Variants in STXBP5L observed in about 807,000 individuals in gnomAD.
The protein encoded by STXBP5L is syntaxin binding protein 5L.
Under a neutral mutation model 144.5 loss-of-function variants are expected in STXBP5L, and 65 were observed. That is an observed-to-expected ratio of 0.45 (90% CI 0.37 to 0.55). The LOEUF is 0.55. Among genes scored for constraint, STXBP5L ranks in the 20% least tolerant of loss-of-function variants. The probability of loss-of-function intolerance (pLI) is 0.00; values close to 1 mark genes in which losing one functional copy is unlikely to be tolerated. For missense variants in STXBP5L, 1,298 were observed against 1,405.5 expected, an observed-to-expected ratio of 0.92 and a Z score of 1.22; for synonymous variants, 505 against 469.6, an observed-to-expected ratio of 1.08 and a Z score of -0.97.
chr3:121,360,927 T>A (rs2045694552), intron 20 of STXBP5L, among the ~76,000 whole-genome samples: 1 of 152,174 alleles, frequency 6.6e-6, no homozygotes, highest in South Asian at 2.1e-4. Flanking sequence ...ATTAATGTCC[T>A]TTTCTTTCTG....
chr3:121,074,091 C>A (rs527950829), intron 5 of STXBP5L, among the ~76,000 whole-genome samples: 36 of 152,276 alleles, frequency 2.4e-4, no homozygotes, highest in African/African-American at 8.4e-4. Flanking sequence ...GGCACAAAAG[C>A]CTTCAGGTCT....
At chr3:121,044,794 A>AT (rs1947396978) in intron 4 of STXBP5L, among the ~76,000 whole-genome samples, 2 of 152,284 alleles carry the variant, frequency 1.3e-5, no homozygotes, top group South Asian at 4.1e-4. Context: ...TGTATGCGAA[A>AT]TAGGATTCAT....
intron 9 of STXBP5L, among the ~76,000 whole-genome samples, chr3:121,161,799 C>T (rs1455605481): frequency 2.0e-5 from 3 of 152,006 alleles, no homozygotes; most frequent in Non-Finnish European, 2.9e-5. Context: ...TGACATTAAA[C>T]CAAATCCTAT....
chr3:121,417,136 A>G (rs1269079313), intron 25 of STXBP5L, among the ~76,000 whole-genome samples: 2 of 152,202 alleles, frequency 1.3e-5, no homozygotes, highest in Non-Finnish European at 2.9e-5. Context: ...AAAGACTGAA[A>G]GTAGATTAAT....
intron 23 of STXBP5L, among the ~76,000 whole-genome samples, chr3:121,409,537 A>G (rs573696929): frequency 1.3e-5 from 2 of 152,018 alleles, no homozygotes; most frequent in African/African-American, 4.8e-5. Context: ...ATCAGGGTTT[A>G]GCAAATTAAT....
chr3:121,049,229 C>G (rs1042276798), intron 5 of STXBP5L, among the ~76,000 whole-genome samples: 2 of 152,054 alleles, frequency 1.3e-5, no homozygotes, highest in South Asian at 2.1e-4. Flanking sequence ...TCACTGTGTA[C>G]CCTCCTGATC....
Position 120,990,834 on chromosome 3 carries a change from A to C in STXBP5L, c.287+35797A>C, listed in dbSNP as rs972921987. 5.3e-4 allele frequency among the ~76,000 whole-genome samples: 81 copies of C among 152,196 alleles called. 3 individuals carry two copies. ...CACGTTATACAAAAATTAATTCAAGATGGATTAAAGACTTAAATGTTAGAC... is the reference window on the plus strand; with the variant it reads ...CACGTTATACAAAAATTAATTCAAGCTGGATTAAAGACTTAAATGTTAGAC... On this transcript the variant is annotated intron_variant, in intron 3 of 26. Transcript: ENST00000471454.
At chr3:121,096,092 G>A (rs553344068) in intron 5 of STXBP5L, among the ~76,000 whole-genome samples, 32 of 150,606 alleles carry the variant, frequency 2.1e-4, no homozygotes, top group Admixed American at 3.4e-4. Context: ...TGCTTGGTGG[G>A]CTGTACCCAC....
At chr3:121,344,760 A>T (rs2044883422) in intron 20 of STXBP5L, among the ~76,000 whole-genome samples, 1 of 151,928 alleles carries the variant, frequency 6.6e-6, no homozygotes, top group Admixed American at 6.6e-5. Flanking sequence ...GAGAAGTAGA[A>T]GGAAGAGGAA....
At chr3:121,048,613 T>G (rs1947693578) in intron 5 of STXBP5L, among the ~76,000 whole-genome samples, 1 of 152,170 alleles carries the variant, frequency 6.6e-6, no homozygotes, top group Non-Finnish European at 1.5e-5. Flanking sequence ...ACTTGGTCTA[T>G]TCTTCTGTTA....
chr3:121,370,115 C>T (rs2045986471), intron 20 of STXBP5L, among the ~76,000 whole-genome samples: 1 of 152,100 alleles, frequency 6.6e-6, no homozygotes, highest in South Asian at 2.1e-4. Flanking sequence ...TTTGTAAATC[C>T]AGCACTTTGG....
At chr3:121,160,021 T>C (rs2046263336) in intron 9 of STXBP5L, among the ~76,000 whole-genome samples, 2 of 152,236 alleles carry the variant, frequency 1.3e-5, no homozygotes, top group African/African-American at 4.8e-5. Context: ...TTTGTTCTGA[T>C]ATTTCAATTC....
chr3:121,078,231 T>G (rs371662844), intron 5 of STXBP5L, among the ~76,000 whole-genome samples: 35 of 151,888 alleles, frequency 2.3e-4, no homozygotes, highest in African/African-American at 8.5e-4. Context: ...AGAGTGCTGA[T>G]TGGTGTATTT....
At chr3:121,192,549 T>C (rs2047740213) in intron 9 of STXBP5L, among the ~76,000 whole-genome samples, 1 of 152,206 alleles carries the variant, frequency 6.6e-6, no homozygotes, top group South Asian at 2.1e-4. Flanking sequence ...GCTGGAGGCA[T>C]CATGGTACTT....
chr3:121,335,509 A>G (rs1044233140), intron 20 of STXBP5L, among the ~76,000 whole-genome samples: 1 of 152,188 alleles, frequency 6.6e-6, no homozygotes. Context: ...TTAATCAAAA[A>G]AGAACAAAAC....
At chr3:121,211,578 C>CTTTTTTTTTTT (rs1188424283) in intron 10 of STXBP5L, among the ~76,000 whole-genome samples, 2 of 110,260 alleles carry the variant, frequency 1.8e-5, no homozygotes, top group Non-Finnish European at 3.5e-5. Flanking sequence ...TTTTTTCTTT[C>CTTTTTTTTTTT]TTTTTTTTTT....
intron 3 of STXBP5L, among the ~76,000 whole-genome samples, chr3:120,965,239 C>A (rs895266816): frequency 6.6e-6 from 1 of 152,098 alleles, no homozygotes; most frequent in South Asian, 2.1e-4. Flanking sequence ...ATCCAATTTG[C>A]CAGTCTGTGT....
At chr3:121,004,417 C>T (rs1944079865) in intron 3 of STXBP5L, among the ~76,000 whole-genome samples, 2 of 152,000 alleles carry the variant, frequency 1.3e-5, no homozygotes, top group African/African-American at 4.8e-5. Context: ...TGAGACTTTG[C>T]TGAAGTTGCC....
At chr3:121,271,189 T>C (rs2108419119) in intron 18 of STXBP5L, among the ~76,000 whole-genome samples, 1 of 152,318 alleles carries the variant, frequency 6.6e-6, no homozygotes, top group African/African-American at 2.4e-5. Flanking sequence ...TATATAAACA[T>C]TTATTTACTT....
Sources: gnomAD v4.1 joint callset for allele counts (sites outside exome capture counted in the v4.1 genomes callset) on GRCh38, gnomAD v4.1.1 for gene constraint, MANE v1.5 for transcripts, NCBI Gene and HGNC (gene_info 2026-07-23, HGNC 2026-07-21) for gene names.